Variants in MACROD1 observed in about 807,000 individuals in gnomAD.
The protein encoded by MACROD1 is ADP-ribose glycohydrolase MACROD1.
Under a neutral mutation model 41.4 loss-of-function variants are expected in MACROD1, and 31 were observed. The ratio of observed to expected loss-of-function variants is 0.75; its 90% CI spans 0.56 to 1.01. MACROD1 has a LOEUF of 1.01. Among genes scored for constraint, MACROD1 ranks in the 50% least tolerant of loss-of-function variants. The probability of loss-of-function intolerance (pLI) is 0.00; values close to 1 mark genes in which losing one functional copy is unlikely to be tolerated. For missense variants in MACROD1, 473 were observed against 460.0 expected (o/e 1.03, Z -0.26); for synonymous variants, 252 against 203.4 (o/e 1.24, Z -2.03).
At chr11:64,081,179 G>A (rs1203165763) in intron 3 of MACROD1, among the ~76,000 whole-genome samples, 2 of 152,278 alleles carry the variant, frequency 1.3e-5, no homozygotes, top group Non-Finnish European at 2.9e-5. Context: ...CCACCACCAT[G>A]CCTAGCTAAT....
rs1021213167 is a variant in MACROD1, at chr11:64,036,307, G to A, written c.518-21026C>T. 1.3e-5 allele frequency: 2 copies of A among 152,232 alleles called. No individual in the cohort carries two copies. The highest frequency in any genetic ancestry group is 4.8e-5 in the African/African-American group (2 of 41,452). The allele number at this position is 152,232 out of a possible 1,614,324, so 9.4% of individuals were successfully genotyped here. ...TTTGCCCCAGAGCGGCGGGAGATGG[G>A]ACGCCCAGCCTTTGGGATTTGGGGT... On this transcript the variant is annotated intron_variant, in intron 3 of 10. Transcript: ENST00000255681. The surrounding 1 kb of genome is among the most constrained non-coding windows in gnomAD (Gnocchi z 5.6).
intron 3 of MACROD1, among the ~76,000 whole-genome samples, chr11:64,018,292 G>C (rs974758737): frequency 6.6e-6 from 1 of 152,160 alleles, no homozygotes; most frequent in Non-Finnish European, 1.5e-5. Flanking sequence ...CGGGTGGGGG[G>C]GCTCTGGGGG....
chr11:64,011,661 G>A (rs980044213), intron 4 of MACROD1, among the ~76,000 whole-genome samples: 1 of 152,046 alleles, frequency 6.6e-6, no homozygotes, highest in Non-Finnish European at 1.5e-5. Flanking sequence ...GCTGCGGGAC[G>A]AAGACATGGA....
chr11:64,107,390 A>G (rs760046560), intron 3 of MACROD1, among the ~76,000 whole-genome samples: 14 of 151,934 alleles, frequency 9.2e-5, no homozygotes, highest in Non-Finnish European at 1.6e-4. Context: ...ACTGTTATCA[A>G]TATAATTAAC....
intron 4 of MACROD1, among the ~76,000 whole-genome samples, chr11:64,010,924 G>T (rs545860828): frequency 7.1e-6 from 1 of 141,472 alleles, no homozygotes; most frequent in Non-Finnish European, 1.5e-5. Context: ...GTTGGCCAGG[G>T]TGTTGGCTGG....
intron 1 of MACROD1, among the ~76,000 whole-genome samples, chr11:64,157,054 G>A (rs903991275): frequency 1.3e-5 from 2 of 152,156 alleles, no homozygotes; most frequent in African/African-American, 4.8e-5. Context: ...AGGAGAAACA[G>A]GGGCCTTAAG....
intron 3 of MACROD1, among the ~76,000 whole-genome samples, chr11:64,059,862 A>T (rs1248055910): frequency 6.6e-6 from 1 of 151,772 alleles, no homozygotes. Flanking sequence ...GTTGCTACTG[A>T]TCCAATAGGG....
chr11:64,060,380 C>T (rs1367296499), intron 3 of MACROD1: 1 of 152,258 alleles, frequency 6.6e-6, no homozygotes, highest in Non-Finnish European at 1.5e-5. Context: ...CTGCCAGACC[C>T]AGAAGGCCTC....
At chr11:64,144,406 G>A (rs75011819) in intron 3 of MACROD1, among the ~76,000 whole-genome samples, 2,419 of 152,302 alleles carry the variant, frequency 0.016, 32 homozygotes, top group Non-Finnish European at 0.027. Flanking sequence ...CACAGCAGCC[G>A]TATCATCTAT....
chr11:64,010,726 G>GAA (rs1336784909), intron 4 of MACROD1, among the ~76,000 whole-genome samples: 1 of 150,626 alleles, frequency 6.6e-6, no homozygotes, highest in African/African-American at 2.4e-5. Flanking sequence ...TTGGGGTGTT[G>GAA]GTTGGCATGT....
At position 64,064,709 on chromosome 11, in the gene MACROD1, T is replaced by C. The variant is rs1943964827; in HGVS notation, c.518-49428A>G. ...AAGGAGGGGGGCCCTCCCTGAGTTC[T>C]CCTCTCCCCTCCCTGCCAGCCCCCC... is the stretch of plus-strand genomic sequence containing the variant. On this transcript the variant is annotated intron_variant, in intron 3 of 10. Transcript: ENST00000255681. This position sits in a 1 kb window ranked among gnomAD's most constrained non-coding sequence, Gnocchi z 4.5. 6.9e-6 allele frequency among the ~76,000 whole-genome samples: 1 copy of C among 144,504 alleles called. No individual in the cohort carries two copies. Among genetic ancestry groups the C allele is most frequent in the South Asian group, 2.3e-4 (1 of 4,302 alleles). 94.8% of individuals were successfully genotyped at this position (144,504 alleles called of 152,430 possible).
chr11:64,089,561 C>G (rs536923435), intron 3 of MACROD1, among the ~76,000 whole-genome samples: 1 of 152,210 alleles, frequency 6.6e-6, no homozygotes, highest in Non-Finnish European at 1.5e-5. Flanking sequence ...GCTGCCGGGT[C>G]GGCAGCCACG....
chr11:64,100,779 C>T (rs1199116165), intron 3 of MACROD1, among the ~76,000 whole-genome samples: 1 of 152,176 alleles, frequency 6.6e-6, no homozygotes, highest in Non-Finnish European at 1.5e-5. Flanking sequence ...AGAGGCCCCA[C>T]TTATCCAGGG....
rs1284278264 is a variant in MACROD1, at chr11:64,064,509, A to G, written c.518-49228T>C. 2.6e-5 allele frequency among the ~76,000 whole-genome samples: 4 copies of G among 152,074 alleles called. No homozygotes were observed. Among genetic ancestry groups the G allele is most frequent in the African/African-American group, 9.7e-5 (4 of 41,430 alleles). Reference sequence around the variant, plus strand: ...GCCTGCCCCGGATGGGCACGCAGGCAGGGTGCATATGTACGTATGTGCCTG... The same window carrying G: ...GCCTGCCCCGGATGGGCACGCAGGCGGGGTGCATATGTACGTATGTGCCTG... On this transcript the variant is annotated intron_variant, in intron 3 of 10. Coordinates refer to ENST00000255681, the MANE Select transcript of MACROD1 (RefSeq NM_014067.4). This position sits in a 1 kb window ranked among gnomAD's most constrained non-coding sequence, Gnocchi z 4.5.
At position 64,166,095 on chromosome 11, in the gene MACROD1, A is replaced by G; in HGVS notation, c.-101T>C. ...ACTCTGGGACCGGGTGGCGACTGCC[A>G]GCCAGCGGCGACCTGCTCGGAGCCA... is the stretch of plus-strand genomic sequence containing the variant. On this transcript the variant is annotated 5_prime_UTR_variant, in exon 1 of 11. Transcript: ENST00000255681. 1 of 1,205,444 alleles carries G rather than the reference A, an allele frequency of 8.3e-7. No homozygotes were observed. The highest frequency in any genetic ancestry group is 3.2e-5 in the East Asian group (1 of 31,190). 74.7% of individuals were successfully genotyped at this position (1,205,444 alleles called of 1,614,324 possible).
Position 64,148,735 on chromosome 11 carries a change from G to A in MACROD1, c.517+2504C>T, listed in dbSNP as rs1008702820. ...CACAGACGCAGATTTATGCAGCCCCGAAAAGCCCTGCCGTTGCCAACGACT... is the reference window on the plus strand; with the variant it reads ...CACAGACGCAGATTTATGCAGCCCCAAAAAGCCCTGCCGTTGCCAACGACT... On this transcript the variant is annotated intron_variant, in intron 3 of 10. Transcript: ENST00000255681. 5 of 985,590 alleles carry A rather than the reference G, an allele frequency of 5.1e-6. No homozygotes were observed. In the African/African-American group the frequency reaches 7.0e-5, roughly 14 times the overall value. The allele number at this position is 985,590 out of a possible 1,614,324, so 61.1% of individuals were successfully genotyped here.
In MACROD1 at chr11:64,008,346, G is replaced by C. The variant is rs899678332; in HGVS notation, c.547+6906C>G. Among the ~76,000 whole-genome samples, 18 of 146,524 alleles carry C rather than the reference G, an allele frequency of 1.2e-4. No homozygotes were observed. The South Asian group carries it at 3.3e-3, about 27-fold the overall frequency. ...CCCAGCATGTGTGTGAGGAGGGACC[G>C]GCCCTGGGTGGCGGCTTCTGAGCAG... On this transcript the variant is annotated intron_variant, in intron 4 of 10. Transcript: ENST00000255681.
At chr11:64,127,333 G>T (rs1945199188) in intron 3 of MACROD1, among the ~76,000 whole-genome samples, 1 of 152,206 alleles carries the variant, frequency 6.6e-6, no homozygotes, top group African/African-American at 2.4e-5. Flanking sequence ...ACCCCATCGG[G>T]CCAGGGGCCA....
intron 3 of MACROD1, among the ~76,000 whole-genome samples, chr11:64,107,867 C>T (rs1465384446): frequency 3.9e-5 from 6 of 152,236 alleles, no homozygotes; most frequent in East Asian, 3.8e-4. Context: ...CCCACTCACA[C>T]GACTCAAGGC....
Sources: gnomAD v4.1 joint callset for allele counts (sites outside exome capture counted in the v4.1 genomes callset) on GRCh38, gnomAD v4.1.1 for gene constraint, Gnocchi (gnomAD v3.1) non-coding constraint, MANE v1.5 for transcripts, NCBI Gene and HGNC (gene_info 2026-07-23, HGNC 2026-07-21) for gene names.